THRB: variants seen among roughly 807,000 people sequenced by gnomAD.
THRB encodes the protein thyroid hormone receptor beta.
A neutral mutation model predicts 47.8 loss-of-function variants in THRB; 12 were observed. The ratio of observed to expected loss-of-function variants is 0.25; its 90% CI spans 0.16 to 0.41. The LOEUF (loss-of-function observed/expected upper bound fraction) is 0.41. Ranked by LOEUF, THRB falls within the 10% of genes least tolerant of loss-of-function variation. The pLI is 1.00. For missense variants in THRB, 348 were observed against 589.2 expected (o/e 0.59, Z 4.24); for synonymous variants, 218 against 212.2 (o/e 1.03, Z -0.24).
At chr3:24,450,933 T>C (rs2125527768) in intron 1 of THRB, among the ~76,000 whole-genome samples, 1 of 152,288 alleles carries the variant, frequency 6.6e-6, no homozygotes, top group South Asian at 2.1e-4. Flanking sequence ...GTCTGTTATA[T>C]TTGCAGGAAA....
intron 2 of THRB, among the ~76,000 whole-genome samples, chr3:24,334,932 G>C (rs1305010181): frequency 1.3e-5 from 2 of 152,084 alleles, no homozygotes; most frequent in Admixed American, 1.3e-4. Context: ...CACCAGAATG[G>C]GTATACAACA....
At chr3:24,189,805 C>T (rs2043098897) in intron 5 of THRB, among the ~76,000 whole-genome samples, 1 of 152,160 alleles carries the variant, frequency 6.6e-6, no homozygotes, top group African/African-American at 2.4e-5. Flanking sequence ...ACTTACAACC[C>T]CTCTACTAAT....
At chr3:24,390,076 G>A (rs1332339131) in intron 1 of THRB, among the ~76,000 whole-genome samples, 3 of 152,050 alleles carry the variant, frequency 2.0e-5, no homozygotes, top group South Asian at 4.1e-4. Context: ...TAGACCATGT[G>A]CTCTTGGTAC....
At chr3:24,390,519 A>G (rs143301385) in intron 1 of THRB, among the ~76,000 whole-genome samples, 68 of 152,232 alleles carry the variant, frequency 4.5e-4, no homozygotes, top group Non-Finnish European at 8.5e-4. Flanking sequence ...GGAAAATGCT[A>G]TAATTAGCCT....
chr3:24,243,153 G>C (rs9839934), intron 3 of THRB, among the ~76,000 whole-genome samples: 87,448 of 150,146 alleles, frequency 0.58, 25,761 homozygotes, highest in East Asian at 0.8. Context: ...GCCTCAGTTT[G>C]TAAAGCAGCG....
intron 4 of THRB, among the ~76,000 whole-genome samples, chr3:24,197,245 C>T (rs1277564628): frequency 6.6e-6 from 1 of 152,198 alleles, no homozygotes; most frequent in African/African-American, 2.4e-5. Context: ...ACAAGCAATT[C>T]AATATGGACT....
At chr3:24,196,865 A>T (rs1026595003) in intron 4 of THRB, among the ~76,000 whole-genome samples, 1 of 152,224 alleles carries the variant, frequency 6.6e-6, no homozygotes, top group Non-Finnish European at 1.5e-5. Context: ...CAAATAACAT[A>T]ACAATGAAGA....
At chr3:24,128,863 C>CTTTTGTTTTTTTT (rs2033359562) in intron 9 of THRB, among the ~76,000 whole-genome samples, 1 of 87,042 alleles carries the variant, frequency 1.1e-5, no homozygotes, top group East Asian at 5.9e-4. Context: ...AAACATAACT[C>CTTTTGTTTTTTTT]TTTTTTTTTT....
chr3:24,211,780 T>C (rs2046052016), intron 4 of THRB, among the ~76,000 whole-genome samples: 1 of 152,188 alleles, frequency 6.6e-6, no homozygotes, highest in Non-Finnish European at 1.5e-5. Flanking sequence ...TCAGACTCTT[T>C]GTTTTTCCGA....
intron 3 of THRB, among the ~76,000 whole-genome samples, chr3:24,289,124 A>G (rs1032899831): frequency 6.6e-6 from 1 of 152,186 alleles, no homozygotes; most frequent in Non-Finnish European, 1.5e-5. Flanking sequence ...TTGCTGGCCA[A>G]ATGGGAAGGC....
At chr3:24,148,848 T>C (rs2036498671) in intron 6 of THRB, among the ~76,000 whole-genome samples, 2 of 152,226 alleles carry the variant, frequency 1.3e-5, no homozygotes, top group African/African-American at 4.8e-5. Flanking sequence ...AGACTTGATT[T>C]TGGGGCGTAT....
At chr3:24,352,633 C>T (rs2063425434) in intron 1 of THRB, among the ~76,000 whole-genome samples, 1 of 152,128 alleles carries the variant, frequency 6.6e-6, no homozygotes, top group African/African-American at 2.4e-5. Context: ...GCCATTCAAA[C>T]TCAAACCTAC....
At chr3:24,391,622 G>A (rs2066574736) in intron 1 of THRB, among the ~76,000 whole-genome samples, 1 of 152,146 alleles carries the variant, frequency 6.6e-6, no homozygotes, top group Non-Finnish European at 1.5e-5. Context: ...CGTATAAACA[G>A]GGCATTCATT....
At chr3:24,481,229 GTTTTTTTTTTTTTT>G (rs746323691) in intron 1 of THRB, among the ~76,000 whole-genome samples, 2 of 55,380 alleles carry the variant, frequency 3.6e-5, no homozygotes, top group Non-Finnish European at 6.6e-5. Flanking sequence ...GTTTCTTTCT[GTTTTTTTTTTTTTT>G]TTTTTTTTTT....
chr3:24,256,006 G>C (rs2051239025), intron 3 of THRB, among the ~76,000 whole-genome samples: 1 of 152,158 alleles, frequency 6.6e-6, no homozygotes, highest in South Asian at 2.1e-4. Context: ...GCAAGAAGAG[G>C]AGCACCCACT....
intron 3 of THRB, among the ~76,000 whole-genome samples, chr3:24,277,542 A>T (rs181017929): frequency 6.6e-6 from 1 of 152,250 alleles, no homozygotes; most frequent in African/African-American, 2.4e-5. Flanking sequence ...GCTGGTTGGG[A>T]TCCCATTTTG....
At chr3:24,347,407 A>C (rs1396164083) in intron 1 of THRB, among the ~76,000 whole-genome samples, 3 of 151,992 alleles carry the variant, frequency 2.0e-5, no homozygotes, top group Non-Finnish European at 4.4e-5. Context: ...CAAAGGTCAG[A>C]AATTAGTAAT....
At chr3:24,418,138 G>T (rs904433270) in intron 1 of THRB, among the ~76,000 whole-genome samples, 1 of 151,056 alleles carries the variant, frequency 6.6e-6, no homozygotes, top group Non-Finnish European at 1.5e-5. Context: ...GCTTAAAGTC[G>T]ATTCTACCTT....
intron 3 of THRB, among the ~76,000 whole-genome samples, chr3:24,269,401 G>A (rs71622806): frequency 0.26 from 11,496 of 44,474 alleles, 559 homozygotes; most frequent in East Asian, 0.28. Context: ...GCGCGCGCGC[G>A]CGCACACACA....
Sources: gnomAD v4.1 joint callset for allele counts (sites outside exome capture counted in the v4.1 genomes callset) on GRCh38, gnomAD v4.1.1 for gene constraint, MANE v1.5 for transcripts, NCBI Gene and HGNC (gene_info 2026-07-23, HGNC 2026-07-21) for gene names.